SAMD4A: variants seen among roughly 807,000 people sequenced by gnomAD.
SAMD4A encodes sterile alpha motif domain containing 4A, also known as protein Smaug homolog 1.
In SAMD4A, 33 loss-of-function variants were observed where a neutral mutation model predicts 81.3. The ratio of observed to expected loss-of-function variants is 0.41; its 90% CI spans 0.31 to 0.54. The LOEUF (loss-of-function observed/expected upper bound fraction) is 0.54. SAMD4A is among the 20% of genes least tolerant of loss of function. SAMD4A has a pLI of 0.37. For missense variants in SAMD4A, 854 were observed against 951.1 expected (o/e 0.90, Z 1.34); for synonymous variants, 389 against 382.1 (o/e 1.02, Z -0.21).
chr14:54,571,560 T>G (rs2033129194), intron 2 of SAMD4A, among the ~76,000 whole-genome samples: 1 of 152,198 alleles, frequency 6.6e-6, no homozygotes, highest in Admixed American at 6.5e-5. Flanking sequence ...TCATAGAGAT[T>G]TATAAGTTAA....
chr14:54,656,830 A>G (rs1284553375), intron 2 of SAMD4A, among the ~76,000 whole-genome samples: 3 of 152,016 alleles, frequency 2.0e-5, no homozygotes, highest in Non-Finnish European at 4.4e-5. Flanking sequence ...GATGGTCTCG[A>G]TCTCCTGACC....
chr14:54,766,295 C>A (rs1857756408), intron 8 of SAMD4A, among the ~76,000 whole-genome samples: 1 of 152,208 alleles, frequency 6.6e-6, no homozygotes, highest in Non-Finnish European at 1.5e-5. Flanking sequence ...AAGAATGTTA[C>A]AACTCGTCCA....
At chr14:54,618,585 A>G (rs996615123) in intron 2 of SAMD4A, among the ~76,000 whole-genome samples, 4 of 152,212 alleles carry the variant, frequency 2.6e-5, no homozygotes, top group African/African-American at 9.6e-5. Context: ...CAAGTTTAGA[A>G]TAGATAAATA....
At chr14:54,568,741 A>ATATATATAT (rs2033039421) in intron 2 of SAMD4A, among the ~76,000 whole-genome samples, 1 of 107,574 alleles carries the variant, frequency 9.3e-6, no homozygotes, top group African/African-American at 3.6e-5. Context: ...ATATATATAT[A>ATATATATAT]ATGCGGTTAA....
chr14:54,604,101 G>A (rs993879964), intron 2 of SAMD4A, among the ~76,000 whole-genome samples: 2 of 152,176 alleles, frequency 1.3e-5, no homozygotes, highest in African/African-American at 4.8e-5. Context: ...GGGATTACAG[G>A]CGTGAGCCAC....
chr14:54,759,234 G>A (rs1390067901), intron 6 of SAMD4A, among the ~76,000 whole-genome samples: 2 of 152,112 alleles, frequency 1.3e-5, no homozygotes, highest in Non-Finnish European at 2.9e-5. Context: ...AACCTTCCCT[G>A]GTTTCCCATC....
intron 2 of SAMD4A, chr14:54,694,357 G>GT (rs2036525630): frequency 2.0e-5 from 3 of 152,700 alleles, no homozygotes; most frequent in African/African-American, 7.2e-5. Flanking sequence ...TTATGGAGAG[G>GT]TTAGATGCAG....
At chr14:54,768,652 A>C (rs2038621191) in intron 8 of SAMD4A, among the ~76,000 whole-genome samples, 1 of 152,316 alleles carries the variant, frequency 6.6e-6, no homozygotes, top group African/African-American at 2.4e-5. Flanking sequence ...CCAGTTTCAG[A>C]GGTACTCGTG....
chr14:54,630,010 C>T (rs1594752898), intron 2 of SAMD4A, among the ~76,000 whole-genome samples: 1 of 152,178 alleles, frequency 6.6e-6, no homozygotes, highest in East Asian at 1.9e-4. Flanking sequence ...TCAGAATCTT[C>T]TTCCTTTTGG....
chr14:54,760,571 TG>T (rs2038371285), intron 7 of SAMD4A, 77 bp downstream of exon 7: 2 of 1,358,494 alleles, frequency 1.5e-6, no homozygotes. Context: ...GGGCTTCCCC[TG>T]GGTGCTGGAT....
In SAMD4A at chr14:54,657,152, G is replaced by A. The variant is rs138225325; in HGVS notation, c.197-44910G>A. On this transcript the variant is annotated intron_variant, in intron 2 of 12. Coordinates refer to ENST00000554335, the MANE Select transcript of SAMD4A (RefSeq NM_015589.6). ...TTTCAATTTCCTCACTAAACTCACA[G>A]TGATAAATTACAGTTAATATTGGCC... 1.6e-3 allele frequency among the ~76,000 whole-genome samples: 247 copies of A among 152,188 alleles called. 1 individual carries two copies. The highest frequency in any genetic ancestry group is 5.0e-3 in the African/African-American group (207 of 41,522).
intron 2 of SAMD4A, among the ~76,000 whole-genome samples, chr14:54,645,984 A>G (rs919317410): frequency 6.6e-6 from 1 of 152,262 alleles, no homozygotes; most frequent in African/African-American, 2.4e-5. Flanking sequence ...ACTAACTGCA[A>G]TACTCCATCT....
At chr14:54,768,428 G>A (rs1360251819) in intron 8 of SAMD4A, among the ~76,000 whole-genome samples, 1 of 152,184 alleles carries the variant, frequency 6.6e-6, no homozygotes, top group African/African-American at 2.4e-5. Flanking sequence ...GAGGCACTGA[G>A]TCTTGGGTAG....
At chr14:54,631,325 G>A (rs2034899986) in intron 2 of SAMD4A, among the ~76,000 whole-genome samples, 1 of 152,106 alleles carries the variant, frequency 6.6e-6, no homozygotes, top group African/African-American at 2.4e-5. Context: ...AATAACATAT[G>A]GCCAAATATC....
intron 2 of SAMD4A, among the ~76,000 whole-genome samples, chr14:54,636,402 G>A (rs2035036486): frequency 6.6e-6 from 1 of 152,314 alleles, no homozygotes; most frequent in East Asian, 1.9e-4. Flanking sequence ...TAGGCTAAGT[G>A]TAAGCCCTTT....
At chr14:54,682,617 T>C (rs2036153903) in intron 2 of SAMD4A, among the ~76,000 whole-genome samples, 1 of 152,208 alleles carries the variant, frequency 6.6e-6, no homozygotes, top group African/African-American at 2.4e-5. Context: ...TTCCAAAAAG[T>C]ATTCAAGAGG....
At chr14:54,610,277 T>A (rs976053970) in intron 2 of SAMD4A, among the ~76,000 whole-genome samples, 3 of 152,148 alleles carry the variant, frequency 2.0e-5, no homozygotes, top group African/African-American at 7.2e-5. Context: ...TCATTGGAAA[T>A]GTCAAGAATG....
intron 3 of SAMD4A, among the ~76,000 whole-genome samples, chr14:54,729,397 T>G (rs1471866837): frequency 6.6e-6 from 1 of 152,180 alleles, no homozygotes; most frequent in African/African-American, 2.4e-5. Context: ...GCTTCCTGAG[T>G]TTCTCTACTA....
chr14:54,764,643 T>C (rs1488896589), intron 8 of SAMD4A, 103 bp downstream of exon 8: 4 of 745,278 alleles, frequency 5.4e-6, no homozygotes, highest in Admixed American at 2.4e-5. Context: ...CAACTTGTTT[T>C]TGAGTGGTGG....
Sources: allele counts gnomAD v4.1 joint callset (sites outside exome capture counted in the v4.1 genomes callset), GRCh38; gene constraint gnomAD v4.1.1; transcripts MANE v1.5; gene names NCBI Gene and HGNC (gene_info 2026-07-23, HGNC 2026-07-21).